The following USP3 variants were observed in gnomAD, a reference collection of about 807,000 sequenced individuals.
USP3 encodes ubiquitin specific peptidase 3, also known as ubiquitin carboxyl-terminal hydrolase 3.
Under a neutral mutation model 72.3 loss-of-function variants are expected in USP3, and 20 were observed. The observed-to-expected ratio is 0.28, with a 90% CI of 0.19 to 0.40. The LOEUF is 0.40. Ranked by LOEUF, USP3 falls within the 10% of genes least tolerant of loss-of-function variation. USP3 has a pLI of 1.00. For synonymous variants in USP3, 222 were observed against 225.3 expected (o/e 0.99, Z 0.13); for missense variants, 479 against 633.9 (o/e 0.76, Z 2.62).
At chr15:63,582,468 A>G (rs1020253186) in intron 11 of USP3, among the ~76,000 whole-genome samples, 1 of 152,188 alleles carries the variant, frequency 6.6e-6, no homozygotes, top group Non-Finnish European at 1.5e-5. Context: ...CAAGGCAGTT[A>G]GGGCCACCAT....
rs1469078954 is a variant in USP3 at position 63,544,028 on chromosome 15, A to C, written c.284+6872A>C. Among the ~76,000 whole-genome samples the C allele has an allele frequency of 2.0e-5, 3 of 150,950 alleles. No homozygotes were observed. ...AGTTCGAGACCAGCCTGGGCAACAC[A>C]GGGAGACACTGTCTTTAAAAAAAAA... On this transcript the variant is annotated intron_variant, in intron 3 of 14. Coordinates refer to ENST00000380324, the MANE Select transcript of USP3 (RefSeq NM_006537.4). This position sits in a 1 kb window ranked among gnomAD's most constrained non-coding sequence, Gnocchi z 4.2.
At chr15:63,527,175 G>A (rs984519108) in intron 1 of USP3, among the ~76,000 whole-genome samples, 66 of 152,290 alleles carry the variant, frequency 4.3e-4, no homozygotes, top group African/African-American at 1.5e-3. Context: ...GGGATTACAG[G>A]TGTGAGCCAC....
chr15:63,570,542 G>A lies in USP3; in HGVS notation c.871G>A (p.Glu291Lys), dbSNP rs1490472517. ...TGTTTCCCGCTCAGCAATTCTGCAG[G>A]AGAATTCTACTCTGTCTGCAAGTAA... is the stretch of plus-strand genomic sequence containing the variant. The part of the protein sequence containing the change: ...NGVSRSAILQ[E>K]NSTLSASNKC... The change falls in exon 9 of 15, where the codon GAG (glutamate) becomes AAG (lysine). Residue 291 changes from glutamate (E) to lysine (K), a missense_variant. Coordinates refer to ENST00000380324, the MANE Select transcript of USP3 (RefSeq NM_006537.4). This position sits in a 1 kb window ranked among gnomAD's most constrained non-coding sequence, Gnocchi z 4.4. The A allele has an allele frequency of 1.2e-6, 2 of 1,614,018 alleles. No individual in the cohort carries two copies. The highest frequency in any genetic ancestry group is 3.3e-5 in the Admixed American group (2 of 59,988).
chr15:63,504,607 A>C lies in USP3; in HGVS notation c.-133A>C. The stretch of plus-strand genomic sequence containing the variant: ...GGAAGCCCGTGCTTTCTTTGACGCA[A>C]GGGCTCGAGACGCAGCCGCCGTCGG... On this transcript the variant is annotated 5_prime_UTR_variant, in exon 1 of 15. Transcript: ENST00000380324. 1 of 663,462 alleles carries C rather than the reference A, an allele frequency of 1.5e-6. No homozygotes were observed. Among genetic ancestry groups the C allele is most frequent in the Non-Finnish European group, 2.3e-6 (1 of 427,708 alleles). 41.1% of individuals were successfully genotyped at this position (663,462 alleles called of 1,614,324 possible).
intron 1 of USP3, among the ~76,000 whole-genome samples, chr15:63,527,430 G>T (rs887850028): frequency 1.1e-4 from 16 of 152,152 alleles, no homozygotes; most frequent in African/African-American, 3.9e-4. Flanking sequence ...ACTATAAATG[G>T]CTTACCTGTC....
chr15:63,580,503 C>G (rs539438787), intron 11 of USP3, among the ~76,000 whole-genome samples: 45 of 151,414 alleles, frequency 3.0e-4, no homozygotes, highest in African/African-American at 1.1e-3. Context: ...GACCTAATAA[C>G]TAACTTCAAC....
chr15:63,580,678 T>TA (rs1305417873), intron 11 of USP3, among the ~76,000 whole-genome samples: 1 of 93,774 alleles, frequency 1.1e-5, no homozygotes, highest in Non-Finnish European at 2.2e-5. Context: ...TATGAATATA[T>TA]AATATATATG....
At chr15:63,577,513 G>A (rs958412475) in intron 11 of USP3, among the ~76,000 whole-genome samples, 1 of 152,088 alleles carries the variant, frequency 6.6e-6, no homozygotes, top group Non-Finnish European at 1.5e-5. Flanking sequence ...TCCCAGCACT[G>A]TGGGAGGCCA....
At chr15:63,523,298 G>T (rs1386610693) in intron 1 of USP3, among the ~76,000 whole-genome samples, 7 of 152,180 alleles carry the variant, frequency 4.6e-5, no homozygotes, top group African/African-American at 1.7e-4. Context: ...AGCCATGTGA[G>T]GTAGAAGGTG....
rs1423486558 is a variant in USP3, at chr15:63,580,657, TATA to T, written c.1096+6258_1096+6260del. 7.3e-3 allele frequency among the ~76,000 whole-genome samples: 460 copies of T among 63,110 alleles called. 25 individuals carry two copies. The highest frequency in any genetic ancestry group is 0.02 in the African/African-American group (275 of 13,450). 41.4% of individuals were successfully genotyped at this position (63,110 alleles called of 152,430 possible). The stretch of plus-strand genomic sequence containing the variant: ...AAAGTGGTGCATATATATATGAATA[TATA>T]ATATATATATGAATATATAATATAT... On this transcript the variant is annotated intron_variant, in intron 11 of 14. Coordinates refer to ENST00000380324, the MANE Select transcript of USP3 (RefSeq NM_006537.4).
chr15:63,539,437 G>C (rs11071756), intron 3 of USP3, among the ~76,000 whole-genome samples: 122,030 of 152,104 alleles, frequency 0.8, 50,773 homozygotes, highest in Non-Finnish European at 0.86. Context: ...GAAACTAACT[G>C]TTAAAGAAAA....
rs552677151 is a variant in USP3, at chr15:63,529,094, G to T, written c.92-3553G>T. The stretch of plus-strand genomic sequence containing the variant: ...TGCCCAGGCTGGCCTCGAACTCTAG[G>T]CTCAAGTGATTCTTCTGCCTCAGCC... On this transcript the variant is annotated intron_variant, in intron 1 of 14. Transcript: ENST00000380324. This position sits in a 1 kb window ranked among gnomAD's most constrained non-coding sequence, Gnocchi z 4.2. 4.8e-5 allele frequency: 61 copies of T among 1,269,078 alleles called. No individual in the cohort carries two copies. The African/African-American group carries it at 8.3e-4, about 17-fold the overall frequency. The allele number at this position is 1,269,078 out of a possible 1,614,324, so 78.6% of individuals were successfully genotyped here. A position where few individuals can be genotyped will look rare whatever the true frequency, so the allele number is the denominator to read the frequency against.
At chr15:63,579,280 T>C (rs571311701) in intron 11 of USP3, among the ~76,000 whole-genome samples, 1 of 152,236 alleles carries the variant, frequency 6.6e-6, no homozygotes, top group South Asian at 2.1e-4. Flanking sequence ...TATTCTGATT[T>C]ATTCAAAAAT....
intron 1 of USP3, among the ~76,000 whole-genome samples, chr15:63,518,826 C>A (rs570260086): frequency 1.3e-5 from 2 of 151,836 alleles, no homozygotes; most frequent in African/African-American, 4.8e-5. Context: ...AGTGCAGTGG[C>A]GTGATCTCGG....
At chr15:63,583,507 G>C (rs950208483) in intron 11 of USP3, among the ~76,000 whole-genome samples, 1 of 152,102 alleles carries the variant, frequency 6.6e-6, no homozygotes, top group African/African-American at 2.4e-5. Context: ...AGAATAAAAT[G>C]TAACATTTTA....
intron 3 of USP3, chr15:63,542,307 T>A: frequency 1.1e-5 from 6 of 557,622 alleles, no homozygotes; most frequent in Non-Finnish European, 1.1e-5. Context: ...TAATTAATAT[T>A]TAAATAGCAC....
At chr15:63,519,744 G>A (rs1323621443) in intron 1 of USP3, among the ~76,000 whole-genome samples, 1 of 152,170 alleles carries the variant, frequency 6.6e-6, no homozygotes, top group Non-Finnish European at 1.5e-5. Context: ...TAGGATGATT[G>A]CAAGGTGATG....
intron 1 of USP3, among the ~76,000 whole-genome samples, chr15:63,506,345 A>G (rs1379081870): frequency 7.0e-6 from 1 of 142,488 alleles, no homozygotes; most frequent in Non-Finnish European, 1.5e-5. Context: ...TTGTAACTTA[A>G]TTTTTTTCCC....
chr15:63,524,422 T>C (rs1276463138), intron 1 of USP3, among the ~76,000 whole-genome samples: 1 of 152,218 alleles, frequency 6.6e-6, no homozygotes, highest in African/African-American at 2.4e-5. Flanking sequence ...GGTGGTCTGG[T>C]TATCTGTTGC....
Sources: gnomAD v4.1 joint callset for allele counts (sites outside exome capture counted in the v4.1 genomes callset) on GRCh38, gnomAD v4.1.1 for gene constraint, Gnocchi (gnomAD v3.1) non-coding constraint, MANE v1.5 for transcripts, NCBI Gene and HGNC (gene_info 2026-07-23, HGNC 2026-07-21) for gene names.